DHX37: variants seen among roughly 807,000 people sequenced by gnomAD.
DHX37 encodes the protein DEAH-box helicase 37.
In DHX37, 52 loss-of-function variants were observed where a neutral mutation model predicts 134.3. The ratio of observed to expected loss-of-function variants is 0.39; its 90% confidence interval spans 0.31 to 0.49. DHX37 has a LOEUF of 0.49. Ranked by LOEUF, DHX37 falls within the 20% of genes least tolerant of loss-of-function variation. The probability of loss-of-function intolerance (pLI) is 0.93; values close to 1 mark genes in which losing one functional copy is unlikely to be tolerated. For missense variants in DHX37, 1,344 were observed against 1,580.8 expected, an observed-to-expected ratio of 0.85 and a Z score of 2.54; for synonymous variants, 634 against 670.7, an observed-to-expected ratio of 0.95 and a Z score of 0.85.
At position 124,968,925 on chromosome 12, in the gene DHX37, C is replaced by G. The variant is rs368046437; in HGVS notation, c.1235G>C (p.Arg412Pro). 1 of 1,614,068 alleles carries G rather than the reference C, an allele frequency of 6.2e-7. No individual in the cohort carries two copies. The highest frequency in any genetic ancestry group is 1.1e-5 in the South Asian group (1 of 91,072). The change falls in exon 9 of 27, where the codon CGG (arginine) becomes CCG (proline). Residue 412 changes from arginine (R) to proline (P), a missense_variant. Physicochemically the swap from Arg to Pro is moderately radical, Grantham distance 103. This residue lies in a region of DHX37 where 289 missense variants were observed against 323.8 expected (regional missense o/e 0.89). Coordinates refer to ENST00000308736, the MANE Select transcript of DHX37 (RefSeq NM_032656.4). Reference sequence around the variant, plus strand: ...TGGGTTCTGGGTGAAGTCCTCCACCCGCAGCGTGGCCGACATGATGAGCAG... The same window carrying G: ...TGGGTTCTGGGTGAAGTCCTCCACCGGCAGCGTGGCCGACATGATGAGCAG... ...LKLLIMSATL[R>P]VEDFTQNPRL... is the part of the protein sequence containing the mutation.
chr12:124,950,486 C>A lies in DHX37; in HGVS notation c.3048G>T (p.Lys1016Asn). The A allele has an allele frequency of 6.3e-7, 1 of 1,574,826 alleles. No individual in the cohort carries two copies. Residue 1016 changes from lysine to asparagine, a missense_variant, in exon 23 of 27, where the codon AAG (lysine) becomes AAT (asparagine). By Grantham distance (94) the Lys-to-Asn change is moderately conservative. This residue lies in a region of DHX37 where 558 missense variants were observed against 650.0 expected (regional missense o/e 0.86). Transcript: ENST00000308736. ...ALLPSYCQFDKPLEEPAPTYC... is the reference protein window; with the variant it reads ...ALLPSYCQFDNPLEEPAPTYC... ...ATGTAGGGGCTGGTTCCTCCAGGGG[C>A]TTGTCAAACTGGCAGTAAGAGGGCA...
intron 4 of DHX37, among the ~76,000 whole-genome samples, chr12:124,978,144 G>A (rs1241699616): frequency 6.6e-6 from 1 of 150,746 alleles, no homozygotes; most frequent in Non-Finnish European, 1.5e-5. Context: ...TATTTTTAGT[G>A]GAAATGTGGT....
chr12:124,961,209 T>TGCGC (rs1566332063), intron 15 of DHX37, among the ~76,000 whole-genome samples: 5 of 76,964 alleles, frequency 6.5e-5, no homozygotes, highest in African/African-American at 2.2e-4. Context: ...CATACACGTG[T>TGCGC]GCACGCACGC....
chr12:124,947,970 CCG>C, intron 26 of DHX37, 83 bp from the exon 27 acceptor site: 2 of 1,612,056 alleles, frequency 1.2e-6, no homozygotes, highest in Non-Finnish European at 1.7e-6. Flanking sequence ...TGGCCAGCAG[CCG>C]TGGGGCCAGA....
chr12:124,968,445 C>A (rs1954441365), intron 10 of DHX37, 89 bp downstream of exon 10: 2 of 1,563,708 alleles, frequency 1.3e-6, no homozygotes, highest in African/African-American at 1.3e-5. Context: ...CTTTTCTGAG[C>A]CACTCGGAGA....
intron 12 of DHX37, among the ~76,000 whole-genome samples, chr12:124,966,153 G>A (rs778129862): frequency 7.9e-5 from 12 of 152,202 alleles, no homozygotes; most frequent in Non-Finnish European, 2.9e-5. Context: ...GTGCCTTCAC[G>A]CAGAGGCTAG....
At chr12:124,963,608 G>A (rs776979480) in intron 15 of DHX37, among the ~76,000 whole-genome samples, 1 of 151,644 alleles carries the variant, frequency 6.6e-6, no homozygotes, top group Non-Finnish European at 1.5e-5. Flanking sequence ...GGTGGCTCAC[G>A]CCTGTGATCC....
intron 2 of DHX37, 142 bp downstream of exon 2, chr12:124,985,954 G>A (rs865920404): frequency 6.0e-5 from 58 of 959,040 alleles, no homozygotes; most frequent in Middle Eastern, 3.4e-4. Flanking sequence ...AGTGGCTACC[G>A]CACTGGACCA....
At chr12:124,957,955 T>C (rs1050560976) in intron 16 of DHX37, among the ~76,000 whole-genome samples, 1 of 152,204 alleles carries the variant, frequency 6.6e-6, no homozygotes, top group Non-Finnish European at 1.5e-5. Flanking sequence ...ACACCACGGA[T>C]GGAGCTTGAG....
intron 1 of DHX37, among the ~76,000 whole-genome samples, chr12:124,987,762 G>A (rs1447178995): frequency 6.6e-6 from 1 of 152,138 alleles, no homozygotes; most frequent in African/African-American, 2.4e-5. Context: ...AGGAACATCT[G>A]TATTCTATTC....
At chr12:124,966,166 G>A (rs549641269) in intron 12 of DHX37, among the ~76,000 whole-genome samples, 14 of 152,314 alleles carry the variant, frequency 9.2e-5, no homozygotes, top group African/African-American at 3.1e-4. Flanking sequence ...GAGGCTAGAG[G>A]AAAGCCCCTG....
rs1166710735 is a variant in DHX37 at position 124,953,873 on chromosome 12, G to A, written c.2695+7C>T. 6.2e-7 allele frequency: 1 copy of A among 1,610,238 alleles called. No homozygotes were observed. The highest frequency in any genetic ancestry group is 2.2e-5 in the East Asian group (1 of 44,788). Reference sequence around the variant, plus strand: ...GGGTGCAGCGGCGTGCCGGCACGGGGCCGTACCTGCGGTGGTCAGCTGGCC... The same window carrying A: ...GGGTGCAGCGGCGTGCCGGCACGGGACCGTACCTGCGGTGGTCAGCTGGCC... On this transcript the variant is annotated splice_region_variant and intron_variant, in intron 20 of 26. Coordinates refer to ENST00000308736, the MANE Select transcript of DHX37 (RefSeq NM_032656.4).
At chr12:124,974,704 T>C (rs1174137227) in intron 6 of DHX37, among the ~76,000 whole-genome samples, 1 of 152,032 alleles carries the variant, frequency 6.6e-6, no homozygotes, top group East Asian at 1.9e-4. Flanking sequence ...CTCCCAGCCA[T>C]TGTAAAGCAA....
intron 15 of DHX37, among the ~76,000 whole-genome samples, chr12:124,963,507 G>A (rs1489441055): frequency 6.6e-6 from 1 of 152,108 alleles, no homozygotes; most frequent in Non-Finnish European, 1.5e-5. Flanking sequence ...TTTATGGTAT[G>A]TGAATTATAT....
At chr12:124,953,570 A>C in intron 20 of DHX37, 1 of 363,878 alleles carries the variant, frequency 2.7e-6, no homozygotes, top group Non-Finnish European at 5.2e-6. Flanking sequence ...GACATGTGGG[A>C]GGGAAGAGGG....
intron 10 of DHX37, 122 bp from the exon 11 acceptor site, chr12:124,967,340 G>A (rs1954410285): frequency 1.3e-5 from 14 of 1,079,690 alleles, no homozygotes; most frequent in Non-Finnish European, 1.6e-5. Flanking sequence ...GAGGACAGGA[G>A]TACACAGACA....
chr12:124,971,340 T>G lies in DHX37; in HGVS notation c.1153A>C (p.Ile385Leu). ...HERSVYTDIL[I>L]GLLSRIVTLR... ...GTCACAATGCGGGACAGGAGGCCGATGAGGATGTCCGTGTACACGCTCCTC... is the reference window on the plus strand; with the variant it reads ...GTCACAATGCGGGACAGGAGGCCGAGGAGGATGTCCGTGTACACGCTCCTC... The change falls in exon 8 of 27, where the codon ATC (isoleucine) becomes CTC (leucine). Residue 385 changes from isoleucine (I) to leucine (L), a missense_variant. Ile to Leu is a conservative substitution (Grantham distance 5). Around this residue, in one of 7 missense-constraint regions of DHX37, gnomAD observed 289 missense variants for 323.8 expected, o/e 0.89. Transcript: ENST00000308736. 6.2e-7 allele frequency: 1 copy of G among 1,613,282 alleles called. No homozygotes were observed. Among genetic ancestry groups the G allele is most frequent in the Non-Finnish European group, 8.5e-7 (1 of 1,179,984 alleles).
Position 124,965,871 on chromosome 12 carries a change from C to A in DHX37, c.1591-59G>T. The A allele has an allele frequency of 7.6e-6, 12 of 1,572,182 alleles. No homozygotes were observed. The South Asian group carries it at 1.4e-4, about 18-fold the overall frequency. ...AGGGATCCTGGGTGTGAGGACGTGG[C>A]ACGTGCAGGAAGACAGGTGCCCTCG... is the stretch of plus-strand genomic sequence containing the variant. On this transcript the variant is annotated intron_variant, in intron 12 of 26. Transcript: ENST00000308736.
intron 6 of DHX37, among the ~76,000 whole-genome samples, chr12:124,974,249 C>T (rs1348131100): frequency 2.6e-5 from 4 of 151,452 alleles, no homozygotes; most frequent in South Asian, 2.1e-4. Flanking sequence ...CCACCGCACC[C>T]GGCCACCCAG....
Sources: gnomAD v4.1 joint callset for allele counts (sites outside exome capture counted in the v4.1 genomes callset) on GRCh38, gnomAD v4.1.1 for gene constraint, gnomAD v4.1.1 regional missense constraint, MANE v1.5 for transcripts, NCBI Gene and HGNC (gene_info 2026-07-23, HGNC 2026-07-21) for gene names.